Variants in RAB10 observed in about 807,000 individuals in gnomAD.
The protein encoded by RAB10 is RAB10, member RAS oncogene family.
RAB10 carries 5 observed loss-of-function variants against 25.7 expected under a neutral mutation model. That is an observed-to-expected ratio of 0.19 (90% confidence interval 0.10 to 0.41). RAB10 has a LOEUF of 0.41. Ranked by LOEUF, RAB10 falls within the 10% of genes least tolerant of loss-of-function variation. The pLI, the probability that RAB10 is intolerant of heterozygous loss-of-function variation, is 1.00. For missense variants in RAB10, 103 were observed against 245.8 expected, an observed-to-expected ratio of 0.42 and a Z score of 3.89; for synonymous variants, 89 against 86.4, an observed-to-expected ratio of 1.03 and a Z score of -0.16.
chr2:26,061,274 T>C (rs1030730), intron 1 of RAB10, among the ~76,000 whole-genome samples: 126,817 of 151,610 alleles, frequency 0.84, 53,487 homozygotes, highest in African/African-American at 0.96. Flanking sequence ...CACCACCAGG[T>C]CCGGCTAATT....
At chr2:26,081,799 A>G (rs1023202795) in intron 1 of RAB10, among the ~76,000 whole-genome samples, 48 of 152,240 alleles carry the variant, frequency 3.2e-4, no homozygotes, top group African/African-American at 1.1e-3. Flanking sequence ...CCGCAAGACA[A>G]TGGAGTAATA....
intron 1 of RAB10, among the ~76,000 whole-genome samples, chr2:26,042,406 C>A (rs928129742): frequency 1.3e-5 from 2 of 151,884 alleles, no homozygotes; most frequent in African/African-American, 4.8e-5. Context: ...GAGGCTGAGG[C>A]AGGAGGATAG....
chr2:26,127,799 T>G (rs768813611), intron 4 of RAB10, 51 bp from the exon 5 acceptor site: 2 of 1,365,906 alleles, frequency 1.5e-6, no homozygotes, highest in Non-Finnish European at 2.1e-6. Flanking sequence ...AAGTCAGCAG[T>G]TGGCAACCCA....
At chr2:26,090,139 T>C (rs1667071937) in intron 1 of RAB10, among the ~76,000 whole-genome samples, 1 of 152,184 alleles carries the variant, frequency 6.6e-6, no homozygotes, top group Non-Finnish European at 1.5e-5. Context: ...TTCTTCCTCT[T>C]TGTTGGTTTG....
At chr2:26,073,235 A>G (rs1282981946) in intron 1 of RAB10, among the ~76,000 whole-genome samples, 2 of 152,232 alleles carry the variant, frequency 1.3e-5, no homozygotes, top group Non-Finnish European at 2.9e-5. Context: ...TTCAAAAGTG[A>G]TGGAAGGGCT....
chr2:26,074,671 G>T (rs942374397), intron 1 of RAB10, among the ~76,000 whole-genome samples: 14 of 152,116 alleles, frequency 9.2e-5, no homozygotes, highest in African/African-American at 3.4e-4. Flanking sequence ...CACCCGCCTT[G>T]GTCTCCCAAA....
chr2:26,104,984 G>A (rs549749233), intron 2 of RAB10, among the ~76,000 whole-genome samples: 8 of 152,090 alleles, frequency 5.3e-5, no homozygotes, highest in Admixed American at 2.0e-4. Context: ...TGATCCACCC[G>A]CCTCGGCCTC....
At chr2:26,078,697 A>C (rs1666793488) in intron 1 of RAB10, among the ~76,000 whole-genome samples, 1 of 152,142 alleles carries the variant, frequency 6.6e-6, no homozygotes, top group Non-Finnish European at 1.5e-5. Flanking sequence ...TGATGAACCT[A>C]GGTAGGGTAG....
intron 1 of RAB10, chr2:26,098,387 C>T (rs927658584): frequency 2.8e-6 from 1 of 359,382 alleles, no homozygotes; most frequent in East Asian, 7.4e-5. Context: ...ATCTGCCCAC[C>T]TCAGCCTCTC....
At chr2:26,062,730 C>A (rs1666431375) in intron 1 of RAB10, among the ~76,000 whole-genome samples, 1 of 151,918 alleles carries the variant, frequency 6.6e-6, no homozygotes, top group Non-Finnish European at 1.5e-5. Flanking sequence ...ACCCTTCAAA[C>A]TGGCTTAAAC....
At chr2:26,095,532 G>T (rs1018870422) in intron 1 of RAB10, among the ~76,000 whole-genome samples, 1 of 152,090 alleles carries the variant, frequency 6.6e-6, no homozygotes, top group African/African-American at 2.4e-5. Flanking sequence ...GCATGAACCC[G>T]GGAGGCGGAG....
At chr2:26,110,994 C>G (rs1667557522) in intron 3 of RAB10, among the ~76,000 whole-genome samples, 1 of 152,220 alleles carries the variant, frequency 6.6e-6, no homozygotes, top group Non-Finnish European at 1.5e-5. Context: ...GCATGAGCCA[C>G]TGCACCCAGC....
chr2:26,120,481 A>G (rs1264251898), intron 3 of RAB10, among the ~76,000 whole-genome samples: 2 of 152,228 alleles, frequency 1.3e-5, no homozygotes, highest in African/African-American at 4.8e-5. Context: ...AGCACCTGGT[A>G]TATTGCTGCT....
chr2:26,105,753 C>G (rs1367979090), intron 2 of RAB10, among the ~76,000 whole-genome samples: 1 of 152,214 alleles, frequency 6.6e-6, no homozygotes, highest in Non-Finnish European at 1.5e-5. Flanking sequence ...ACTACATACA[C>G]AATGGTTGTC....
In RAB10 at chr2:26,135,359, A is replaced by C. The variant is rs1201736220; in HGVS notation, c.*338A>C. 5.3e-6 allele frequency: 1 copy of C among 187,416 alleles called. No individual in the cohort carries two copies. Among genetic ancestry groups the C allele is most frequent in the Non-Finnish European group, 1.1e-5 (1 of 91,314 alleles). 11.6% of individuals were successfully genotyped at this position (187,416 alleles called of 1,614,324 possible). On this transcript the variant is annotated 3_prime_UTR_variant, in exon 6 of 6. Transcript: ENST00000264710. ...AAATCTATTCTGCAAATTGTATAAG[A>C]ATAAAGTTAGAATTAACAATTTTAT...
intron 1 of RAB10, among the ~76,000 whole-genome samples, chr2:26,090,358 G>A (rs369268164): frequency 2.0e-5 from 3 of 151,804 alleles, no homozygotes; most frequent in Non-Finnish European, 4.4e-5. Context: ...TTGTTTCTGC[G>A]CATACTTTTA....
At chr2:26,051,122 G>A (rs1178046169) in intron 1 of RAB10, among the ~76,000 whole-genome samples, 1 of 151,872 alleles carries the variant, frequency 6.6e-6, no homozygotes, top group Non-Finnish European at 1.5e-5. Flanking sequence ...ATTTTTTGTA[G>A]AGACTGGGCC....
Position 26,135,140 on chromosome 2 carries a change from C to T in RAB10, c.*119C>T. The T allele has an allele frequency of 1.5e-6, 1 of 656,982 alleles. No individual in the cohort carries two copies. The highest frequency in any genetic ancestry group is 2.4e-6 in the Non-Finnish European group (1 of 420,270). 40.7% of individuals were successfully genotyped at this position (656,982 alleles called of 1,614,324 possible). A position where few individuals can be genotyped will look rare whatever the true frequency, so the allele number is the denominator to read the frequency against. ...TATTTTTGTTTCTCATCTTAACTAT[C>T]CAAGCCACCTATTTTATTTGTTCTT... On this transcript the variant is annotated 3_prime_UTR_variant, in exon 6 of 6. Coordinates refer to ENST00000264710, the MANE Select transcript of RAB10 (RefSeq NM_016131.5).
chr2:26,040,397 CTCAAACCTGT>C (rs916400582), intron 1 of RAB10, among the ~76,000 whole-genome samples: 7 of 152,122 alleles, frequency 4.6e-5, no homozygotes, highest in Admixed American at 3.3e-4. Flanking sequence ...GGCGTGGTGG[CTCAAACCTGT>C]AATCCCAGCA....
Sources: allele counts gnomAD v4.1 joint callset (sites outside exome capture counted in the v4.1 genomes callset), GRCh38; gene constraint gnomAD v4.1.1; transcripts MANE v1.5; gene names NCBI Gene and HGNC (gene_info 2026-07-23, HGNC 2026-07-21).